The following RSRP1 variants were observed in gnomAD, a reference collection of about 807,000 sequenced individuals.
The protein encoded by RSRP1 is arginine and serine rich protein 1, also known as arginine/serine-rich protein 1.
RSRP1 carries 37 observed loss-of-function variants against 33.0 expected under a neutral mutation model. That is an observed-to-expected ratio of 1.12 (90% CI 0.86 to 1.48). The LOEUF (loss-of-function observed/expected upper bound fraction) is 1.48, where lower values mean the gene tolerates loss of function less well. RSRP1 is among the 40% of genes most tolerant of loss of function. The probability of loss-of-function intolerance (pLI) is 0.00; values close to 1 mark genes in which losing one functional copy is unlikely to be tolerated. For missense variants in RSRP1, 402 were observed against 385.3 expected (o/e 1.04, Z -0.36); for synonymous variants, 167 against 158.7 (o/e 1.05, Z -0.40).
intron 1 of RSRP1, among the ~76,000 whole-genome samples, chr1:25,279,110 TG>T (rs1342071015): frequency 7.9e-6 from 1 of 127,370 alleles, no homozygotes; most frequent in African/African-American, 2.7e-5. Context: ...CCCAAGGGGA[TG>T]GACTCAGAAG....
intron 1 of RSRP1, among the ~76,000 whole-genome samples, chr1:25,312,946 A>AAAAAAC (rs1557556952): frequency 9.1e-6 from 1 of 109,510 alleles, no homozygotes; most frequent in African/African-American, 3.0e-5. Flanking sequence ...AAAAAAAAAA[A>AAAAAAC]AAAAAAAAAC....
In RSRP1 at chr1:25,308,696, C is replaced by G. The variant is rs1460114572; in HGVS notation, c.-67+29282G>C. Among the ~76,000 whole-genome samples, 4 of 129,484 alleles carry G rather than the reference C, an allele frequency of 3.1e-5. 2 individuals carry two copies. The highest frequency in any genetic ancestry group is 7.3e-5 in the Non-Finnish European group (4 of 54,998). The allele number at this position is 129,484 out of a possible 152,430, so 84.9% of individuals were successfully genotyped here. A position where few individuals can be genotyped will look rare whatever the true frequency, so the allele number is the denominator to read the frequency against. The stretch of plus-strand genomic sequence containing the variant: ...GCTCCAGCACATCCCTGCAAGTCAA[C>G]TCTCATCAGGGTGAGTGAGTTGAGG... On this transcript the variant is annotated intron_variant, in intron 1 of 1. Transcript: ENST00000561867.
chr1:25,273,302 A>ATTTT (rs750823240), intron 1 of RSRP1, among the ~76,000 whole-genome samples: 1 of 97,774 alleles, frequency 1.0e-5, no homozygotes, highest in African/African-American at 3.7e-5. Flanking sequence ...TGCCTGGCTA[A>ATTTT]TTTTTTTTTT....
chr1:25,318,885 GA>G lies in RSRP1; in HGVS notation c.-67+19092del, dbSNP rs1484174124. ...TTTTGGAGTTACCTGGGTAATTTTT[GA>G]GTGTGAGATTGGCTAGAATTGCTTT... On this transcript the variant is annotated intron_variant, in intron 1 of 1. Transcript: ENST00000561867. Among the ~76,000 whole-genome samples, 39 of 132,562 alleles carry G rather than the reference GA, an allele frequency of 2.9e-4. 13 individuals are homozygous for G. The highest frequency in any genetic ancestry group is 5.9e-4 in the Admixed American group (8 of 13,590). The allele number at this position is 132,562 out of a possible 152,430, so 87.0% of individuals were successfully genotyped here.
At chr1:25,246,000 C>G (rs1639349952) in intron 2 of RSRP1, 1 of 160,838 alleles carries the variant, frequency 6.2e-6, no homozygotes, top group African/African-American at 2.4e-5. Context: ...CCCGCCTCCG[C>G]CTCCGCCTCC....
intron 1 of RSRP1, among the ~76,000 whole-genome samples, chr1:25,320,495 T>G (rs1307684438): frequency 1.5e-5 from 2 of 132,474 alleles, no homozygotes; most frequent in African/African-American, 5.1e-5. Flanking sequence ...TGCGTCATGC[T>G]GGTTGTACCC....
At chr1:25,246,217 GAAA>G (rs1018754219) in intron 2 of RSRP1, among the ~76,000 whole-genome samples, 1 of 152,030 alleles carries the variant, frequency 6.6e-6, no homozygotes, top group Non-Finnish European at 1.5e-5. Flanking sequence ...CAGCCAATAG[GAAA>G]AAAAGTTCCC....
chr1:25,320,796 A>C lies in RSRP1; in HGVS notation c.-67+17182T>G, dbSNP rs375831482. Among the ~76,000 whole-genome samples the C allele has an allele frequency of 6.1e-5, 8 of 131,816 alleles. 1 individual carries two copies. The highest frequency in any genetic ancestry group is 1.5e-4 in the African/African-American group (6 of 38,826). The allele number at this position is 131,816 out of a possible 152,430, so 86.5% of individuals were successfully genotyped here. A position where few individuals can be genotyped will look rare whatever the true frequency, so the allele number is the denominator to read the frequency against. On this transcript the variant is annotated intron_variant, in intron 1 of 1. Coordinates refer to the RSRP1 transcript ENST00000561867. ...GTGGCTCACACCTGTAATCGCAGCCATTTAGAAGGCAAAGGCGGGCAGATC... is the reference window on the plus strand; with the variant it reads ...GTGGCTCACACCTGTAATCGCAGCCCTTTAGAAGGCAAAGGCGGGCAGATC...
upstream of RSRP1, chr1:25,248,050 T>G (rs28497111): frequency 0.17 from 26,137 of 152,370 alleles, 7,337 homozygotes; most frequent in African/African-American, 0.59. Context: ...AGAGGGGACC[T>G]CACCCTCCCC....
intron 1 of RSRP1, among the ~76,000 whole-genome samples, chr1:25,334,646 G>C (rs4126584): frequency 0.23 from 29,791 of 132,202 alleles, 8,403 homozygotes; most frequent in Admixed American, 0.29. Flanking sequence ...TTCTGCCTGG[G>C]CATCCAGGCA....
At chr1:25,267,905 C>T (rs1284365136) in intron 1 of RSRP1, 3 of 132,722 alleles carry the variant, frequency 2.3e-5, no homozygotes, top group Non-Finnish European at 3.6e-5. Context: ...AGCGCCCGGG[C>T]ATGCGCAGAC....
At chr1:25,336,543 T>C (rs1645078308) in intron 1 of RSRP1, 1 of 147,524 alleles carries the variant, frequency 6.8e-6, no homozygotes, top group Non-Finnish European at 1.5e-5. Flanking sequence ...AAGAGTAATA[T>C]AAAGATGCTC....
intron 1 of RSRP1, chr1:25,328,852 G>C: frequency 3.2e-6 from 3 of 947,738 alleles, no homozygotes; most frequent in Non-Finnish European, 1.6e-6. Flanking sequence ...GCCAAAATCA[G>C]TATGTGGGTT....
intron 1 of RSRP1, among the ~76,000 whole-genome samples, chr1:25,263,219 AGACGG>A (rs1246210628): frequency 6.6e-6 from 1 of 151,990 alleles, no homozygotes; most frequent in Non-Finnish European, 1.5e-5. Flanking sequence ...GGCCAGGGAG[AGACGG>A]ATAAGTGATC....
chr1:25,333,193 T>C (rs1337187542), intron 1 of RSRP1, among the ~76,000 whole-genome samples: 1 of 132,192 alleles, frequency 7.6e-6, no homozygotes, highest in South Asian at 2.3e-4. Context: ...GGTTCCCTCT[T>C]AGCCCATTCA....
Position 25,322,473 on chromosome 1 carries a change from G to C in RSRP1, c.-67+15505C>G, listed in dbSNP as rs1309923440. On this transcript the variant is annotated intron_variant, in intron 1 of 1. Coordinates refer to the RSRP1 transcript ENST00000561867. ...CGATCACCTGAGGCCAGGAGTTCGA[G>C]ACCAGCCTGGCCAACGTGTCGAAAC... Among the ~76,000 whole-genome samples the C allele has an allele frequency of 3.8e-5, 5 of 132,656 alleles. 2 individuals carry two copies. Among genetic ancestry groups the C allele is most frequent in the Non-Finnish European group, 8.9e-5 (5 of 55,918 alleles). The allele number at this position is 132,656 out of a possible 152,430, so 87.0% of individuals were successfully genotyped here. A position where few individuals can be genotyped will look rare whatever the true frequency, so the allele number is the denominator to read the frequency against.
chr1:25,272,399 A>T, intron 1 of RSRP1: 1 of 1,149,438 alleles, frequency 8.7e-7, no homozygotes, highest in South Asian at 1.3e-5. Flanking sequence ...TGTTAACTCC[A>T]TAGAGAGGCC....
chr1:25,287,147 A>G (rs532072917), intron 1 of RSRP1, among the ~76,000 whole-genome samples: 1 of 135,380 alleles, frequency 7.4e-6, no homozygotes, highest in East Asian at 1.9e-4. Context: ...AGAATTCAAT[A>G]CACACACGCA....
chr1:25,250,135 T>TA (rs1479601041), upstream of RSRP1, among the ~76,000 whole-genome samples: 1 of 152,076 alleles, frequency 6.6e-6, no homozygotes, highest in African/African-American at 2.4e-5. Context: ...GGCAAAAAGT[T>TA]AAAAAAGTTA....
Sources: gnomAD v4.1 joint callset for allele counts (sites outside exome capture counted in the v4.1 genomes callset) on GRCh38, gnomAD v4.1.1 for gene constraint, MANE v1.5 for transcripts, NCBI Gene and HGNC (gene_info 2026-07-23, HGNC 2026-07-21) for gene names.